SPECC1: variants seen among roughly 807,000 people sequenced by gnomAD.
SPECC1 encodes the protein cytospin-B.
A neutral mutation model predicts 104.1 loss-of-function variants in SPECC1; 62 were observed. The ratio of observed to expected loss-of-function variants is 0.60; its 90% CI spans 0.49 to 0.74. SPECC1 has a LOEUF of 0.74. SPECC1 is among the 30% of genes least tolerant of loss of function. SPECC1 has a pLI of 0.00. For missense variants in SPECC1, 1,306 were observed against 1,310.5 expected (o/e 1.00, Z 0.05); for synonymous variants, 513 against 501.6 (o/e 1.02, Z -0.30).
intron 1 of SPECC1, among the ~76,000 whole-genome samples, chr17:20,065,199 G>T (rs1290966080): frequency 6.6e-6 from 1 of 152,122 alleles, no homozygotes; most frequent in African/African-American, 2.4e-5. Context: ...AATGTATGGG[G>T]GTTTCTCTAT....
At chr17:20,194,993 C>T (rs867455844) in intron 3 of SPECC1, among the ~76,000 whole-genome samples, 21 of 152,216 alleles carry the variant, frequency 1.4e-4, no homozygotes, top group African/African-American at 4.6e-4. Flanking sequence ...GTTTCCTTGA[C>T]TCTGAAAAAC....
At chr17:20,156,077 C>A in intron 3 of SPECC1, 1 of 1,326,324 alleles carries the variant, frequency 7.5e-7, no homozygotes, top group South Asian at 1.9e-5. Context: ...CCGGTCCTTT[C>A]TTTGACTGGA....
At chr17:20,300,701 C>T (rs1178575902) in intron 13 of SPECC1, among the ~76,000 whole-genome samples, 2 of 152,264 alleles carry the variant, frequency 1.3e-5, no homozygotes, top group East Asian at 3.8e-4. Context: ...GCCAGCTGCC[C>T]AGGCCTCCCG....
chr17:20,233,609 G>A (rs2038732084), intron 7 of SPECC1, among the ~76,000 whole-genome samples: 1 of 152,160 alleles, frequency 6.6e-6, no homozygotes, highest in African/African-American at 2.4e-5. Context: ...ACTGAGCCCA[G>A]GAGATTCTTC....
chr17:20,235,117 C>T (rs1316522150), intron 7 of SPECC1, among the ~76,000 whole-genome samples: 1 of 152,186 alleles, frequency 6.6e-6, no homozygotes, highest in Non-Finnish European at 1.5e-5. Context: ...TCTCTTTAAG[C>T]TCTGCTGTTC....
rs749318143 is a variant in SPECC1 at position 20,204,949 on chromosome 17, T to TA, written c.908dup (p.Asn303LysfsTer15). The stretch of plus-strand genomic sequence containing the variant: ...AGATGTCCAGTGACATTGATGAGTA[T>TA]AAAAAAAACATACATGGAAATGCAT... On this transcript the variant is annotated frameshift_variant, in exon 4 of 15. Transcript: ENST00000395527. LOFTEE classifies it high-confidence loss of function. 5 of 1,613,482 alleles carry TA rather than the reference T, an allele frequency of 3.1e-6. No homozygotes were observed. The highest frequency in any genetic ancestry group is 1.7e-5 in the Admixed American group (1 of 59,948).
Position 20,082,190 on chromosome 17 carries a change from C to T in SPECC1, c.-21-14441C>T, listed in dbSNP as rs1475681816. Among the ~76,000 whole-genome samples the T allele has an allele frequency of 6.6e-5, 10 of 152,300 alleles. No individual in the cohort carries two copies. The South Asian group carries it at 2.1e-3, about 32-fold the overall frequency. ...TGCTCCTCTTCTCACCTGGAATGCC[C>T]TCTCCTCCAGTTTTCACATGTCAAC... On this transcript the variant is annotated intron_variant, in intron 1 of 14. Transcript: ENST00000395527.
At chr17:20,218,364 G>T (rs999888665) in intron 4 of SPECC1, among the ~76,000 whole-genome samples, 1 of 151,948 alleles carries the variant, frequency 6.6e-6, no homozygotes, top group African/African-American at 2.4e-5. Context: ...ACTAGAATTG[G>T]GGTTTAAACC....
intron 3 of SPECC1, among the ~76,000 whole-genome samples, chr17:20,194,735 ACCACGAGACCCACCCGCCTCGG>A (rs1296334042): frequency 4.6e-5 from 7 of 151,790 alleles, no homozygotes; most frequent in African/African-American, 4.8e-5. Context: ...CGATCTCCTG[ACCACGAGACCCACCCGCCTCGG>A]CCTCCCAAAG....
At chr17:20,079,694 C>G (rs2046891792) in intron 1 of SPECC1, among the ~76,000 whole-genome samples, 1 of 152,096 alleles carries the variant, frequency 6.6e-6, no homozygotes, top group Non-Finnish European at 1.5e-5. Flanking sequence ...TGTGCTAGGC[C>G]CTAGGGAGAC....
chr17:20,075,155 G>A (rs1015045339), intron 1 of SPECC1, among the ~76,000 whole-genome samples: 1 of 152,196 alleles, frequency 6.6e-6, no homozygotes, highest in Non-Finnish European at 1.5e-5. Flanking sequence ...CACCTGCCTT[G>A]GCCTCCCAAA....
chr17:20,311,109 T>TG, intron 14 of SPECC1, among the ~76,000 whole-genome samples: 1 of 151,926 alleles, frequency 6.6e-6, no homozygotes, highest in Non-Finnish European at 1.5e-5. Flanking sequence ...GGGTTTTTTT[T>TG]TTTTTTTTTT....
At chr17:20,163,971 T>C (rs77319965) in intron 3 of SPECC1, among the ~76,000 whole-genome samples, 3,883 of 152,310 alleles carry the variant, frequency 0.025, 147 homozygotes, top group East Asian at 0.084. Context: ...AGGTTGACCC[T>C]GTAACTCTTT....
intron 3 of SPECC1, chr17:20,112,791 A>G (rs1567852256): frequency 3.5e-6 from 5 of 1,441,232 alleles, no homozygotes; most frequent in Non-Finnish European, 4.9e-6. Context: ...ACAGGAATTA[A>G]CCTGAGAGTG....
chr17:20,183,445 C>T (rs755061894), intron 3 of SPECC1, among the ~76,000 whole-genome samples: 3 of 151,982 alleles, frequency 2.0e-5, no homozygotes, highest in East Asian at 1.9e-4. Context: ...TGTTCTGGCC[C>T]GAATCTAGGA....
chr17:20,184,096 G>A (rs962083433), intron 3 of SPECC1, among the ~76,000 whole-genome samples: 6 of 149,678 alleles, frequency 4.0e-5, no homozygotes, highest in African/African-American at 1.2e-4. Context: ...CATGAGAATC[G>A]CTTGAACCCG....
intron 3 of SPECC1, among the ~76,000 whole-genome samples, chr17:20,170,741 C>T (rs1354878638): frequency 6.6e-6 from 1 of 152,104 alleles, no homozygotes; most frequent in Non-Finnish European, 1.5e-5. Flanking sequence ...TTATGCTCCC[C>T]TCATTTCCAA....
chr17:20,313,937 C>G, intron 14 of SPECC1, 39 bp from the exon 15 acceptor site: 1 of 1,594,992 alleles, frequency 6.3e-7, no homozygotes, highest in Non-Finnish European at 8.6e-7. Flanking sequence ...TCTGTGATGT[C>G]CTGCCTTGTG....
intron 3 of SPECC1, among the ~76,000 whole-genome samples, chr17:20,113,592 A>C (rs1323789979): frequency 6.6e-6 from 1 of 152,236 alleles, no homozygotes; most frequent in Non-Finnish European, 1.5e-5. Context: ...ACAGTAGCTA[A>C]ATTACAGTAA....
Sources: allele counts gnomAD v4.1 joint callset (sites outside exome capture counted in the v4.1 genomes callset), GRCh38; gene constraint gnomAD v4.1.1; transcripts MANE v1.5; gene names NCBI Gene and HGNC (gene_info 2026-07-23, HGNC 2026-07-21).